USP54: variants seen among roughly 807,000 people sequenced by gnomAD.
USP54 encodes ubiquitin carboxyl-terminal hydrolase 54.
A neutral mutation model predicts 170.5 loss-of-function variants in USP54; 87 were observed. That is an observed-to-expected ratio of 0.51 (90% CI 0.43 to 0.61). The LOEUF is 0.61. Ranked by LOEUF, USP54 falls within the 20% of genes least tolerant of loss-of-function variation. The pLI is 0.00. For synonymous variants in USP54, 655 were observed against 742.8 expected (o/e 0.88, Z 1.92); for missense variants, 1,786 against 2,047.8 (o/e 0.87, Z 2.47).
chr10:73,534,465 G>A, intron 12 of USP54, 135 bp downstream of exon 12: 2 of 955,612 alleles, frequency 2.1e-6, no homozygotes, highest in Non-Finnish European at 1.5e-6. Context: ...ACCCACCTTG[G>A]CCGCCCGCCT....
intron 14 of USP54, 82 bp downstream of exon 14, chr10:73,530,061 G>C: frequency 6.6e-7 from 1 of 1,524,770 alleles, no homozygotes; most frequent in Middle Eastern, 2.3e-4. Flanking sequence ...CCCCTTGCCA[G>C]ATGTACCAAA....
intron 5 of USP54, 63 bp from the exon 6 acceptor site, chr10:73,543,194 T>A: frequency 8.3e-7 from 1 of 1,201,408 alleles, no homozygotes; most frequent in Non-Finnish European, 1.2e-6. Flanking sequence ...CATAAATTGG[T>A]AAGCAGCTTA....
At chr10:73,541,086 A>G (rs1329608806) in intron 9 of USP54, among the ~76,000 whole-genome samples, 1 of 152,156 alleles carries the variant, frequency 6.6e-6, no homozygotes, top group Non-Finnish European at 1.5e-5. Flanking sequence ...AGAACATATA[A>G]TAACTCTTTG....
At position 73,517,631 on chromosome 10, in the gene USP54, G is replaced by A. The variant is rs1268913212; in HGVS notation, c.2795C>T (p.Ser932Leu). 1 of 1,614,212 alleles carries A rather than the reference G, an allele frequency of 6.2e-7. No individual in the cohort carries two copies. Among genetic ancestry groups the A allele is most frequent in the Non-Finnish European group, 8.5e-7 (1 of 1,180,038 alleles). Residue 932 changes from serine (S) to leucine (L), a missense_variant, in exon 20 of 24, where the codon TCA becomes TTA. Ser to Leu is a moderately radical substitution (Grantham distance 145). Coordinates refer to ENST00000687698, the MANE Select transcript of USP54 (RefSeq NM_001391956.1). ...TGACTCTGGAGATAGTGATGAGTGT[G>A]ACTCATGGCAGGAAGCAGGTGAATG... ...FFHSPASCHESHSSLSPESSA... is the reference protein window; with the variant it reads ...FFHSPASCHELHSSLSPESSA...
chr10:73,510,512 G>A (rs2060038923), intron 20 of USP54, among the ~76,000 whole-genome samples: 1 of 149,592 alleles, frequency 6.7e-6, no homozygotes, highest in African/African-American at 2.5e-5. Flanking sequence ...AGTGCAATGG[G>A]CAGCTCACTG....
chr10:73,545,306 G>T (rs2067541361), intron 5 of USP54, among the ~76,000 whole-genome samples: 1 of 152,144 alleles, frequency 6.6e-6, no homozygotes, highest in African/African-American at 2.4e-5. Context: ...TCCTCTGAAG[G>T]TGAGAGCTGA....
Position 73,511,291 on chromosome 10 carries a change from C to G in USP54, c.4051+5084G>C, listed in dbSNP as rs117561765. 3.9e-3 allele frequency among the ~76,000 whole-genome samples: 593 copies of G among 151,680 alleles called. 29 individuals are homozygous for G. The East Asian group carries it at 0.1, about 26-fold the overall frequency. On this transcript the variant is annotated intron_variant, in intron 20 of 23. Transcript: ENST00000687698. ...ATAATAAAACCCATTGTATTGTACACTTTAAATAGGTGAAATGTATGGCAT... is the reference window on the plus strand; with the variant it reads ...ATAATAAAACCCATTGTATTGTACAGTTTAAATAGGTGAAATGTATGGCAT...
intron 20 of USP54, chr10:73,513,158 A>C (rs1267040077): frequency 1.3e-5 from 2 of 152,250 alleles, no homozygotes; most frequent in Admixed American, 1.3e-4. Context: ...ATTAAAAATT[A>C]CAAGTAAGCC....
chr10:73,600,631 G>C (rs575109379), intron 1 of USP54, among the ~76,000 whole-genome samples: 2 of 152,254 alleles, frequency 1.3e-5, no homozygotes, highest in East Asian at 3.9e-4. Flanking sequence ...TACCTATCAG[G>C]GGCCAGGCGC....
chr10:73,608,469 A>G (rs1482591691), intron 1 of USP54, among the ~76,000 whole-genome samples: 2 of 152,228 alleles, frequency 1.3e-5, no homozygotes, highest in Non-Finnish European at 2.9e-5. Flanking sequence ...AGGGAAAAAG[A>G]AAACTGAAAT....
intron 1 of USP54, among the ~76,000 whole-genome samples, chr10:73,603,551 C>T (rs762631963): frequency 6.6e-6 from 1 of 152,052 alleles, no homozygotes; most frequent in Non-Finnish European, 1.5e-5. Context: ...CCCATCTCTA[C>T]TAAACCTGTC....
intron 1 of USP54, among the ~76,000 whole-genome samples, chr10:73,579,773 C>A (rs909050265): frequency 2.6e-5 from 4 of 151,306 alleles, no homozygotes; most frequent in Admixed American, 2.6e-4. Context: ...ACAACAACAA[C>A]AACAACAAAA....
At position 73,539,551 on chromosome 10, in the gene USP54, G is replaced by A; in HGVS notation, c.868C>T (p.Leu290=). The A allele has an allele frequency of 6.2e-7, 1 of 1,610,462 alleles. No individual in the cohort carries two copies. The highest frequency in any genetic ancestry group is 1.1e-5 in the South Asian group (1 of 90,592). The change falls in exon 10 of 24, where the codon CTG becomes TTG. Residue 290 remains leucine, a synonymous_variant. Coordinates refer to ENST00000687698, the MANE Select transcript of USP54 (RefSeq NM_001391956.1). ...TAACAGATCATTCCAACTAAGTACA[G>A]TTCAGATTGCTTGGCCCGGTCATCC... The part of the protein sequence containing the change: ...VTDDRAKQSE[L]YLVGMICYYG...
chr10:73,577,687 G>A (rs2076307253), intron 1 of USP54, among the ~76,000 whole-genome samples: 1 of 152,178 alleles, frequency 6.6e-6, no homozygotes, highest in African/African-American at 2.4e-5. Context: ...GTAAGTGGCA[G>A]ATCTAGAAAT....
chr10:73,506,546 A>G (rs1248002485), intron 20 of USP54: 1 of 152,162 alleles, frequency 6.6e-6, no homozygotes, highest in Non-Finnish European at 1.5e-5. Flanking sequence ...ATATATATAT[A>G]TATCTGGCTG....
intron 15 of USP54, among the ~76,000 whole-genome samples, chr10:73,528,579 T>A (rs1393650524): frequency 6.6e-6 from 1 of 151,836 alleles, no homozygotes; most frequent in Non-Finnish European, 1.5e-5. Context: ...TTTCTTTTTT[T>A]TTTTTTTGAG....
intron 16 of USP54, among the ~76,000 whole-genome samples, chr10:73,524,893 T>C (rs1458066175): frequency 6.6e-6 from 1 of 152,198 alleles, no homozygotes; most frequent in Non-Finnish European, 1.5e-5. Flanking sequence ...TAGAGAACAC[T>C]TTCTACCAGG....
intron 17 of USP54, among the ~76,000 whole-genome samples, chr10:73,522,773 T>C (rs183542265): frequency 9.8e-5 from 15 of 152,322 alleles, no homozygotes; most frequent in Admixed American, 7.8e-4. Flanking sequence ...CAAACAGGAT[T>C]ACTTGGCCCA....
chr10:73,617,238 G>A (rs1247904385), intron 1 of USP54, among the ~76,000 whole-genome samples: 1 of 150,486 alleles, frequency 6.6e-6, no homozygotes, highest in East Asian at 1.9e-4. Flanking sequence ...GGAGGTTGCG[G>A]TGAGCTGAGA....
Sources: gnomAD v4.1 joint callset for allele counts (sites outside exome capture counted in the v4.1 genomes callset) on GRCh38, gnomAD v4.1.1 for gene constraint, MANE v1.5 for transcripts, NCBI Gene and HGNC (gene_info 2026-07-23, HGNC 2026-07-21) for gene names.